Variants in RPS6KC1 observed in about 807,000 individuals in gnomAD.
RPS6KC1 encodes inactive ribosomal protein S6 kinase delta-1.
Under a neutral mutation model 103.8 loss-of-function variants are expected in RPS6KC1, and 54 were observed. The ratio of observed to expected loss-of-function variants is 0.52; its 90% CI spans 0.42 to 0.65. The LOEUF is 0.65. RPS6KC1 is among the 30% of genes least tolerant of loss of function. The pLI, the probability that RPS6KC1 is intolerant of heterozygous loss-of-function variation, is 0.00. For missense variants in RPS6KC1, 1,151 were observed against 1,253.8 expected (o/e 0.92, Z 1.24); for synonymous variants, 439 against 438.7 (o/e 1.00, Z -0.01).
At chr1:213,319,012 A>G in the RPS6KC1 span, among the ~76,000 whole-genome samples, 867 of 152,320 alleles carry the variant, frequency 5.7e-3, 11 homozygotes, top group African/African-American at 0.02. Flanking sequence ...TCATACAAGA[A>G]GTAAGCAAGG....
At chr1:213,577,669 T>C in the RPS6KC1 span, among the ~76,000 whole-genome samples, 1 of 152,158 alleles carries the variant, frequency 6.6e-6, no homozygotes, top group Non-Finnish European at 1.5e-5. Flanking sequence ...GTTCTAGAGA[T>C]CTGTGGAACT....
intron 3 of RPS6KC1, among the ~76,000 whole-genome samples, chr1:213,094,618 A>AGT (rs2081289499): frequency 6.6e-6 from 1 of 152,170 alleles, no homozygotes; most frequent in Non-Finnish European, 1.5e-5. Context: ...TGTGAGAGAG[A>AGT]GACAGGCAGC....
At chr1:213,796,096 C>A in the RPS6KC1 span, among the ~76,000 whole-genome samples, 1 of 152,216 alleles carries the variant, frequency 6.6e-6, no homozygotes, top group East Asian at 1.9e-4. Context: ...CCACCAGTTT[C>A]TTCCCATTGT....
At chr1:213,622,314 A>G in the RPS6KC1 span, among the ~76,000 whole-genome samples, 2 of 149,798 alleles carry the variant, frequency 1.3e-5, no homozygotes. Context: ...TTATTTTGCC[A>G]GTCGTGGAGG....
the RPS6KC1 span, among the ~76,000 whole-genome samples, chr1:213,336,725 G>A: frequency 1.3e-5 from 2 of 152,138 alleles, no homozygotes; most frequent in South Asian, 2.1e-4. Context: ...TGACTTGTCC[G>A]AGAATACAAG....
chr1:213,685,342 G>T, the RPS6KC1 span, among the ~76,000 whole-genome samples: 74,887 of 152,068 alleles, frequency 0.49, 20,276 homozygotes, highest in African/African-American at 0.72. Context: ...TGTAAGATAA[G>T]ACTTTAGACT....
chr1:213,280,440 T>A, the RPS6KC1 span, among the ~76,000 whole-genome samples: 1 of 152,206 alleles, frequency 6.6e-6, no homozygotes, highest in Non-Finnish European at 1.5e-5. Flanking sequence ...CAGTGGAAAT[T>A]CAGTATTTAG....
intron 1 of RPS6KC1, among the ~76,000 whole-genome samples, chr1:213,053,821 T>A (rs1430547585): frequency 2.6e-5 from 4 of 151,948 alleles, no homozygotes; most frequent in Non-Finnish European, 5.9e-5. Context: ...AAAGGAAAGG[T>A]TAACCAAATT....
At chr1:213,640,922 G>T in the RPS6KC1 span, among the ~76,000 whole-genome samples, 1 of 151,670 alleles carries the variant, frequency 6.6e-6, no homozygotes, top group Non-Finnish European at 1.5e-5. Context: ...CATTATCCTT[G>T]CTGTTTTTGA....
intron 8 of RPS6KC1, among the ~76,000 whole-genome samples, chr1:213,206,913 C>A (rs146599177): frequency 1.3e-5 from 2 of 152,226 alleles, no homozygotes; most frequent in East Asian, 3.9e-4. Flanking sequence ...GAGTTTGAGA[C>A]CAGCGTGGCC....
intron 8 of RPS6KC1, among the ~76,000 whole-genome samples, chr1:213,183,437 A>G (rs1216178940): frequency 6.6e-6 from 1 of 152,180 alleles, no homozygotes; most frequent in African/African-American, 2.4e-5. Context: ...TATTGAAATC[A>G]TACTGAGTGT....
Position 213,077,762 on chromosome 1 carries a change from A to G in RPS6KC1, c.208A>G (p.Asn70Asp). 1 of 1,565,064 alleles carries G rather than the reference A, an allele frequency of 6.4e-7. No individual in the cohort carries two copies. The highest frequency in any genetic ancestry group is 8.7e-7 in the Non-Finnish European group (1 of 1,147,312). ...LHKELWQIHK[N>D]LFRHSELFPP... ...CAAAGAACTATGGCAAATTCACAAA[A>G]ACTTATTCCGACATTCAGAGTTGTT... Residue 70 changes from asparagine (N) to aspartate (D), a missense_variant, in exon 3 of 15, where the codon AAC becomes GAC. Physicochemically the swap from Asn to Asp is conservative, Grantham distance 23. Around this residue, in one of 3 missense-constraint regions of RPS6KC1, gnomAD observed 959 missense variants for 1,006.3 expected, o/e 0.95. Transcript: ENST00000366960.
the RPS6KC1 span, among the ~76,000 whole-genome samples, chr1:213,515,153 C>A: frequency 1.3e-5 from 2 of 151,958 alleles, no homozygotes; most frequent in Non-Finnish European, 2.9e-5. Context: ...GAGTAGATTG[C>A]AAAAATTTTC....
chr1:213,734,010 C>G, the RPS6KC1 span, among the ~76,000 whole-genome samples: 2 of 152,086 alleles, frequency 1.3e-5, no homozygotes, highest in East Asian at 3.9e-4. Context: ...AACCCATCTT[C>G]CTAATGGAAA....
At chr1:213,223,059 T>C (rs908374598) in intron 8 of RPS6KC1, among the ~76,000 whole-genome samples, 5 of 152,310 alleles carry the variant, frequency 3.3e-5, no homozygotes, top group African/African-American at 9.6e-5. Flanking sequence ...ATTGTGTTGA[T>C]CTCATTCTTT....
the RPS6KC1 span, among the ~76,000 whole-genome samples, chr1:213,434,534 C>T: frequency 1.3e-5 from 2 of 152,198 alleles, no homozygotes; most frequent in African/African-American, 4.8e-5. Context: ...CACCTCACTA[C>T]AACCTCCGCC....
At chr1:213,835,985 G>T in the RPS6KC1 span, 1 of 151,952 alleles carries the variant, frequency 6.6e-6, no homozygotes, top group Non-Finnish European at 1.5e-5. Context: ...ATTTGATTGG[G>T]ATTGCATTAT....
chr1:213,804,173 T>TAAAA, the RPS6KC1 span, among the ~76,000 whole-genome samples: 546 of 57,814 alleles, frequency 9.4e-3, 8 homozygotes, highest in African/African-American at 0.03. Context: ...TGGCTAATCT[T>TAAAA]AAAAAAAAAA....
At chr1:213,687,262 G>GACAATTT in the RPS6KC1 span, among the ~76,000 whole-genome samples, 1 of 152,094 alleles carries the variant, frequency 6.6e-6, no homozygotes, top group Non-Finnish European at 1.5e-5. Context: ...GAGTCGCTCT[G>GACAATTT]GTTTGAATGC....
Sources: gnomAD v4.1 joint callset for allele counts (sites outside exome capture counted in the v4.1 genomes callset) on GRCh38, gnomAD v4.1.1 for gene constraint, gnomAD v4.1.1 regional missense constraint, MANE v1.5 for transcripts, NCBI Gene and HGNC (gene_info 2026-07-23, HGNC 2026-07-21) for gene names.